The following PCDH7 variants were observed in gnomAD, a reference collection of about 807,000 sequenced individuals.
PCDH7 encodes the protein protocadherin 7.
PCDH7 carries 17 observed loss-of-function variants against 58.9 expected under a neutral mutation model. The ratio of observed to expected loss-of-function variants is 0.29; its 90% CI spans 0.20 to 0.43. PCDH7 has a LOEUF of 0.43. Among genes scored for constraint, PCDH7 ranks in the 20% least tolerant of loss-of-function variants. The pLI, the probability that PCDH7 is intolerant of heterozygous loss-of-function variation, is 1.00. For missense variants in PCDH7, 1,274 were observed against 1,441.0 expected (o/e 0.88, Z 1.88); for synonymous variants, 664 against 616.4 (o/e 1.08, Z -1.14).
At chr4:30,742,448 C>T (rs1012193299) in intron 1 of PCDH7, among the ~76,000 whole-genome samples, 1 of 151,964 alleles carries the variant, frequency 6.6e-6, no homozygotes, top group Non-Finnish European at 1.5e-5. Context: ...GACATGGCTT[C>T]GAAAAAACAA....
At chr4:30,808,767 C>T (rs1726592554) in intron 1 of PCDH7, among the ~76,000 whole-genome samples, 1 of 152,236 alleles carries the variant, frequency 6.6e-6, no homozygotes, top group East Asian at 1.9e-4. Flanking sequence ...GAGTATTTTA[C>T]ATACAGATAA....
intron 3 of PCDH7, among the ~76,000 whole-genome samples, chr4:31,097,336 C>T (rs1714138491): frequency 6.6e-6 from 1 of 151,436 alleles, no homozygotes; most frequent in African/African-American, 2.4e-5. Context: ...CACCTGTAAT[C>T]CCAGCTACTT....
At chr4:30,883,084 CAT>C (rs1350852295) in intron 1 of PCDH7, among the ~76,000 whole-genome samples, 1 of 152,190 alleles carries the variant, frequency 6.6e-6, no homozygotes, top group African/African-American at 2.4e-5. Flanking sequence ...CATGTGCACA[CAT>C]GTGCACGGGC....
intron 3 of PCDH7, among the ~76,000 whole-genome samples, chr4:31,133,866 C>G (rs1186147323): frequency 6.6e-6 from 1 of 152,174 alleles, no homozygotes; most frequent in African/African-American, 2.4e-5. Context: ...GTAAATGCTT[C>G]TTGAGATACA....
At chr4:30,863,334 T>C (rs901933259) in intron 1 of PCDH7, among the ~76,000 whole-genome samples, 4 of 152,060 alleles carry the variant, frequency 2.6e-5, no homozygotes, top group African/African-American at 9.7e-5. Context: ...TGATTTTGCC[T>C]CCAGGGAAAC....
At chr4:30,887,734 C>A (rs537852359) in intron 1 of PCDH7, among the ~76,000 whole-genome samples, 1 of 152,088 alleles carries the variant, frequency 6.6e-6, no homozygotes, top group Non-Finnish European at 1.5e-5. Context: ...AAGGTTCATA[C>A]ATCAGGACAT....
At chr4:31,095,372 C>A (rs73218828) in intron 3 of PCDH7, among the ~76,000 whole-genome samples, 380 of 152,154 alleles carry the variant, frequency 2.5e-3, no homozygotes, top group Non-Finnish European at 3.8e-3. Flanking sequence ...TACCTGCAAG[C>A]GTTTTTATAG....
At chr4:30,874,169 A>G (rs1735975581) in intron 1 of PCDH7, among the ~76,000 whole-genome samples, 2 of 151,990 alleles carry the variant, frequency 1.3e-5, no homozygotes, top group Non-Finnish European at 2.9e-5. Flanking sequence ...TAGAAATACC[A>G]TTTGACCCAG....
chr4:30,863,097 C>T (rs1346307277), intron 1 of PCDH7, among the ~76,000 whole-genome samples: 2 of 152,070 alleles, frequency 1.3e-5, no homozygotes, highest in Non-Finnish European at 2.9e-5. Context: ...ACTCCAAATT[C>T]GTATGTGTTC....
At chr4:30,894,516 T>TATATACAC (rs1400204196) in intron 1 of PCDH7, among the ~76,000 whole-genome samples, 40 of 32,172 alleles carry the variant, frequency 1.2e-3, no homozygotes, top group South Asian at 3.2e-3. Flanking sequence ...TATATATATA[T>TATATACAC]ACACACACAC....
intron 1 of PCDH7, among the ~76,000 whole-genome samples, chr4:30,839,169 A>T (rs1422705140): frequency 6.6e-6 from 1 of 151,944 alleles, no homozygotes; most frequent in Non-Finnish European, 1.5e-5. Flanking sequence ...TGTATTATGT[A>T]GTATACTCTC....
At chr4:30,846,676 A>G (rs1732008696) in intron 1 of PCDH7, among the ~76,000 whole-genome samples, 1 of 152,150 alleles carries the variant, frequency 6.6e-6, no homozygotes, top group Admixed American at 6.6e-5. Context: ...ATTTCCAGAC[A>G]TTGTCAAATA....
chr4:30,898,882 C>T (rs575940383), intron 1 of PCDH7, among the ~76,000 whole-genome samples: 11 of 152,152 alleles, frequency 7.2e-5, no homozygotes, highest in African/African-American at 2.4e-4. Context: ...TGAGCCACGG[C>T]GCCTGGCCTG....
chr4:30,775,276 T>C (rs1721911241), intron 1 of PCDH7, among the ~76,000 whole-genome samples: 1 of 152,148 alleles, frequency 6.6e-6, no homozygotes, highest in South Asian at 2.1e-4. Flanking sequence ...TAGGTAATTT[T>C]TAGTGCATAA....
intron 1 of PCDH7, among the ~76,000 whole-genome samples, chr4:30,858,091 C>T (rs1733716745): frequency 6.6e-6 from 1 of 152,138 alleles, no homozygotes; most frequent in African/African-American, 2.4e-5. Flanking sequence ...TTTCTTGATA[C>T]ACATATGAAC....
intron 1 of PCDH7, among the ~76,000 whole-genome samples, chr4:30,793,380 C>T (rs1247707559): frequency 3.9e-5 from 6 of 152,088 alleles, no homozygotes; most frequent in African/African-American, 1.4e-4. Flanking sequence ...TTAGTAGTTA[C>T]CAAGCTGAAA....
At position 30,824,027 on chromosome 4, in the gene PCDH7, A is replaced by G. The variant is rs185388063; in HGVS notation, c.71-96126A>G. ...GAAATATCAGTCATAGCAAAGGCAG[A>G]GCCACTCTTGATGGTTGGCTGTCTG... On this transcript the variant is annotated intron_variant, in intron 1 of 3. Coordinates refer to the PCDH7 transcript ENST00000509759. Among the ~76,000 whole-genome samples the G allele has an allele frequency of 2.3e-4, 35 of 152,256 alleles. 2 individuals carry two copies. In the East Asian group the frequency reaches 5.6e-3, roughly 24 times the overall value.
intron 1 of PCDH7, among the ~76,000 whole-genome samples, chr4:30,867,047 T>G (rs765990598): frequency 2.6e-5 from 4 of 152,006 alleles, no homozygotes; most frequent in Non-Finnish European, 5.9e-5. Context: ...TTTCTACACC[T>G]TTGCTTGCTA....
chr4:31,087,111 A>C (rs1357888616), intron 3 of PCDH7, among the ~76,000 whole-genome samples: 1 of 152,132 alleles, frequency 6.6e-6, no homozygotes, highest in Non-Finnish European at 1.5e-5. Context: ...GCTAGTGTGG[A>C]GTGTGATTAA....
Sources: gnomAD v4.1 joint callset for allele counts (sites outside exome capture counted in the v4.1 genomes callset) on GRCh38, gnomAD v4.1.1 for gene constraint, MANE v1.5 for transcripts, NCBI Gene and HGNC (gene_info 2026-07-23, HGNC 2026-07-21) for gene names.